CLEC20A: variants seen among roughly 807,000 people sequenced by gnomAD.
The protein encoded by CLEC20A is C-type lectin domain containing 20A.
At chr1:178,499,137 C>T (rs148948623), upstream of CLEC20A, among the ~76,000 whole-genome samples, 2 of 152,184 alleles carry the variant, frequency 1.3e-5, no homozygotes, top group Admixed American at 6.5e-5. Flanking sequence ...GCCCAGCACT[C>T]CCTGAGGGCA....
At chr1:178,496,828 G>A (rs896091031) in intron 1 of CLEC20A, 72 bp downstream of exon 1, 13 of 398,670 alleles carry the variant, frequency 3.3e-5, no homozygotes, top group Middle Eastern at 1.3e-3. Flanking sequence ...TCAGGGGTGC[G>A]CCCCCTTCCC....
exon 8 of CLEC20A, chr1:178,479,268 T>G: frequency 3.9e-6 from 1 of 254,546 alleles, no homozygotes; most frequent in Non-Finnish European, 7.4e-6. Flanking sequence ...GGTTTTTTAT[T>G]TTAATTTCTT....
At chr1:178,494,932 G>T (rs553633045) in intron 1 of CLEC20A, 122 bp from the exon 2 acceptor site, 129 of 397,388 alleles carry the variant, frequency 3.2e-4, no homozygotes, top group African/African-American at 2.4e-3. Context: ...GCACTTCGCC[G>T]CTGGCCCACC....
Position 178,496,286 on chromosome 1 carries a change from A to C in CLEC20A, c.40+614T>G, listed in dbSNP as rs1299210911. On this transcript the variant is annotated intron_variant, in intron 1 of 7. Transcript: ENST00000623247. The stretch of plus-strand genomic sequence containing the variant: ...TGCCTGCCTGCCGACACCTGGGCCC[A>C]AGACCCCTCTACCCTCGGCAGTCCC... The C allele has an allele frequency of 2.0e-5, 3 of 152,732 alleles. No homozygotes were observed. The East Asian group carries it at 5.8e-4, about 30-fold the overall frequency. The allele number at this position is 152,732 out of a possible 1,614,324, so 9.5% of individuals were successfully genotyped here. A position where few individuals can be genotyped will look rare whatever the true frequency, so the allele number is the denominator to read the frequency against.
At chr1:178,482,119 T>C (rs754791617) in intron 7 of CLEC20A, 193 bp downstream of exon 7, 14 of 388,882 alleles carry the variant, frequency 3.6e-5, no homozygotes, top group Non-Finnish European at 5.9e-5. Context: ...GGAAAGACAT[T>C]GGAGAGGGTA....
chr1:178,485,889 T>C (rs1268494808), intron 5 of CLEC20A, among the ~76,000 whole-genome samples: 1 of 152,186 alleles, frequency 6.6e-6, no homozygotes, highest in Non-Finnish European at 1.5e-5. Flanking sequence ...TGAGGCCAGC[T>C]CCATCTATTA....
At chr1:178,491,228 A>G (rs961093759) in intron 3 of CLEC20A, among the ~76,000 whole-genome samples, 2 of 152,140 alleles carry the variant, frequency 1.3e-5, no homozygotes, top group Admixed American at 6.5e-5. Flanking sequence ...CACATCTGAG[A>G]TTCCAGACAA....
Position 178,483,289 on chromosome 1 carries a change from G to C in CLEC20A, c.929-7C>G, listed in dbSNP as rs1477205725. 1 of 398,488 alleles carries C rather than the reference G, an allele frequency of 2.5e-6. No homozygotes were observed. The highest frequency in any genetic ancestry group is 4.4e-6 in the Non-Finnish European group (1 of 226,072). 24.7% of individuals were successfully genotyped at this position (398,488 alleles called of 1,614,324 possible). ...CTCCCTACACTGGCCACAGCTACAG[G>C]AGGGGAAAATAAAAGATTTATTGCA... is the stretch of plus-strand genomic sequence containing the variant. On this transcript the variant is annotated splice_region_variant and splice_polypyrimidine_tract_variant and intron_variant, in intron 5 of 7. Transcript: ENST00000623247.
At chr1:178,490,544 C>T (rs1649247344) in intron 3 of CLEC20A, 107 bp from the exon 4 acceptor site, 1 of 397,658 alleles carries the variant, frequency 2.5e-6, no homozygotes, top group Non-Finnish European at 4.4e-6. Context: ...GGGCCCTTGT[C>T]CCTGGTCCTT....
rs1009325255 is a variant in CLEC20A, at chr1:178,494,439, T to C, written c.397+15A>G. The C allele has an allele frequency of 2.5e-6, 1 of 400,308 alleles. No homozygotes were observed. Among genetic ancestry groups the C allele is most frequent in the East Asian group, 3.6e-5 (1 of 28,098 alleles). 24.8% of individuals were successfully genotyped at this position (400,308 alleles called of 1,614,324 possible). ...TGGGGGAAAGACCAAGCCTGAAATA[T>C]GAATGTGAACACACCACAGTAGCAG... is the stretch of plus-strand genomic sequence containing the variant. On this transcript the variant is annotated intron_variant, in intron 2 of 7. Transcript: ENST00000623247.
exon 2 of CLEC20A, chr1:178,494,503 G>A (rs1485860142): frequency 1.0e-5 from 4 of 399,532 alleles, no homozygotes; most frequent in East Asian, 3.6e-5. Context: ...CAGCCCCTAT[G>A]CTGGGTAATT....
intron 3 of CLEC20A, 128 bp downstream of exon 3, chr1:178,492,373 C>T: frequency 2.5e-6 from 1 of 397,936 alleles, no homozygotes; most frequent in Non-Finnish European, 4.4e-6. Flanking sequence ...CCCTCCCGGA[C>T]AGCCAGGCAG....
intron 7 of CLEC20A, chr1:178,482,082 CA>C (rs1297176109): frequency 9.0e-5 from 32 of 354,394 alleles, no homozygotes; most frequent in Non-Finnish European, 1.5e-4. Context: ...AACAAAAAAA[CA>C]AAAAAACAAC....
At chr1:178,487,595 C>T (rs1049418459) in intron 5 of CLEC20A, among the ~76,000 whole-genome samples, 3 of 152,266 alleles carry the variant, frequency 2.0e-5, no homozygotes, top group African/African-American at 7.2e-5. Flanking sequence ...GGGATGCTCC[C>T]CTTCTCAGCG....
intron 2 of CLEC20A, among the ~76,000 whole-genome samples, chr1:178,494,040 G>A (rs1159036992): frequency 6.6e-6 from 1 of 152,186 alleles, no homozygotes; most frequent in Non-Finnish European, 1.5e-5. Context: ...GTCATGACCA[G>A]TTATCCTCTG....
chr1:178,494,912 C>T (rs1035838837), intron 1 of CLEC20A, 102 bp from the exon 2 acceptor site: 24 of 398,284 alleles, frequency 6.0e-5, no homozygotes, highest in Middle Eastern at 6.3e-4. Flanking sequence ...AGCCTCTTCC[C>T]GCCCACTCTG....
upstream of CLEC20A, chr1:178,497,185 G>T: frequency 2.6e-6 from 1 of 388,100 alleles, no homozygotes; most frequent in Non-Finnish European, 4.5e-6. Context: ...AGAGATCCCT[G>T]TGTGGGGGTT....
intron 3 of CLEC20A, among the ~76,000 whole-genome samples, 159 bp downstream of exon 3, chr1:178,492,342 G>C (rs1024049280): frequency 2.6e-5 from 4 of 151,942 alleles, no homozygotes; most frequent in African/African-American, 9.7e-5. Flanking sequence ...GTTCAGCCAG[G>C]GGGCAGCAAA....
chr1:178,494,596 G>T, exon 2 of CLEC20A: 3 of 399,318 alleles, frequency 7.5e-6, no homozygotes, highest in Non-Finnish European at 1.3e-5. Flanking sequence ...TGAAGGTGGA[G>T]CCGCTGGACC....
Sources: gnomAD v4.1 joint callset for allele counts (sites outside exome capture counted in the v4.1 genomes callset) on GRCh38, gnomAD v4.1.1 for gene constraint, MANE v1.5 for transcripts, NCBI Gene and HGNC (gene_info 2026-07-23, HGNC 2026-07-21) for gene names.